EPHA6: variants seen among roughly 807,000 people sequenced by gnomAD.
EPHA6 encodes the protein ephrin type-A receptor 6.
Under a neutral mutation model 112.0 loss-of-function variants are expected in EPHA6, and 50 were observed. That is an observed-to-expected ratio of 0.45 (90% CI 0.36 to 0.56). The LOEUF is 0.56. EPHA6 is among the 20% of genes least tolerant of loss of function. The probability of loss-of-function intolerance (pLI) is 0.00; values close to 1 mark genes in which losing one functional copy is unlikely to be tolerated. For missense variants in EPHA6, 1,280 were observed against 1,417.4 expected (o/e 0.90, Z 1.56); for synonymous variants, 529 against 490.7 (o/e 1.08, Z -1.03).
chr3:96,815,836 C>CAAA (rs2032733039), intron 1 of EPHA6, among the ~76,000 whole-genome samples: 1 of 152,094 alleles, frequency 6.6e-6, no homozygotes, highest in African/African-American at 2.4e-5. Context: ...GCATAAAGAT[C>CAAA]TATAAAAAGT....
chr3:97,061,982 A>AC (rs2046037126), intron 3 of EPHA6, among the ~76,000 whole-genome samples: 1 of 152,192 alleles, frequency 6.6e-6, no homozygotes, highest in African/African-American at 2.4e-5. Context: ...AAGATAGGAG[A>AC]CACTAGTTCA....
chr3:97,551,884 A>G (rs916564009), intron 11 of EPHA6, among the ~76,000 whole-genome samples: 3 of 152,166 alleles, frequency 2.0e-5, no homozygotes, highest in Non-Finnish European at 4.4e-5. Context: ...TGAGCAAAGA[A>G]AAAGGCTGCT....
At chr3:97,410,969 A>G (rs2087672721) in intron 6 of EPHA6, among the ~76,000 whole-genome samples, 1 of 152,042 alleles carries the variant, frequency 6.6e-6, no homozygotes, top group Non-Finnish European at 1.5e-5. Context: ...CAGAACTACA[A>G]GTATTAATCT....
chr3:96,942,211 A>C (rs1426861705), intron 2 of EPHA6, among the ~76,000 whole-genome samples: 1 of 152,210 alleles, frequency 6.6e-6, no homozygotes, highest in African/African-American at 2.4e-5. Context: ...CTGCCCCCAG[A>C]GGTGGAGCCT....
chr3:97,647,448 T>A (rs1337418895), intron 14 of EPHA6, among the ~76,000 whole-genome samples: 1 of 152,112 alleles, frequency 6.6e-6, no homozygotes, highest in African/African-American at 2.4e-5. Context: ...GATCTGATAA[T>A]GGCATGAAAA....
intron 2 of EPHA6, among the ~76,000 whole-genome samples, chr3:96,935,889 A>C (rs767862755): frequency 1.3e-5 from 2 of 151,790 alleles, no homozygotes; most frequent in Non-Finnish European, 2.9e-5. Context: ...ACACGAGAGG[A>C]CTCATTAGTG....
At chr3:96,870,849 A>G (rs1180563713) in intron 2 of EPHA6, among the ~76,000 whole-genome samples, 1 of 152,110 alleles carries the variant, frequency 6.6e-6, no homozygotes, top group East Asian at 1.9e-4. Flanking sequence ...TGGAGTAACT[A>G]CCAATAAACA....
rs910683354 is a variant in EPHA6, at chr3:97,756,962, T to G, written c.*8261T>G. Among the ~76,000 whole-genome samples, 1 of 151,874 alleles carries G rather than the reference T, an allele frequency of 6.6e-6. No individual in the cohort carries two copies. The highest frequency in any genetic ancestry group is 1.5e-5 in the Non-Finnish European group (1 of 67,768). The stretch of plus-strand genomic sequence containing the variant: ...TTTTAATTTTGTGTACAGTGAAAAC[T>G]TTGACAGTTTAATTTTGAATTTTGA... On this transcript the variant is annotated 3_prime_UTR_variant, in exon 18 of 18. Transcript: ENST00000389672.
Position 97,531,826 on chromosome 3 carries a change from T to C in EPHA6, c.2201-532T>C, listed in dbSNP as rs542054930. Among the ~76,000 whole-genome samples the C allele has an allele frequency of 5.3e-5, 8 of 152,212 alleles. No individual in the cohort carries two copies. In the South Asian group the frequency reaches 1.4e-3, roughly 28 times the overall value. On this transcript the variant is annotated intron_variant, in intron 10 of 17. Transcript: ENST00000389672. ...ATTTCCATCCATGTGGCTTGTAATG[T>C]AGCCTGTATAATCACTTACTATGGT... is the stretch of plus-strand genomic sequence containing the variant.
At chr3:96,867,936 A>G (rs2036412154) in intron 2 of EPHA6, among the ~76,000 whole-genome samples, 1 of 151,882 alleles carries the variant, frequency 6.6e-6, no homozygotes, top group Non-Finnish European at 1.5e-5. Flanking sequence ...TGTAAGTTTT[A>G]TATACTGCGA....
At chr3:96,997,520 C>A (rs2043466724) in intron 3 of EPHA6, among the ~76,000 whole-genome samples, 1 of 151,578 alleles carries the variant, frequency 6.6e-6, no homozygotes, top group Admixed American at 6.6e-5. Flanking sequence ...TCTCAGAGAC[C>A]CAAGGAGACA....
intron 3 of EPHA6, among the ~76,000 whole-genome samples, chr3:96,989,118 C>A: frequency 6.6e-6 from 1 of 151,930 alleles, no homozygotes; most frequent in Admixed American, 6.6e-5. Context: ...TTATTGATTT[C>A]TTTGTTGATG....
At chr3:97,197,669 C>G (rs769945105) in intron 3 of EPHA6, among the ~76,000 whole-genome samples, 35 of 151,896 alleles carry the variant, frequency 2.3e-4, no homozygotes, top group Non-Finnish European at 4.6e-4. Context: ...CTTTCTTGGC[C>G]ACTCTGACTT....
intron 3 of EPHA6, among the ~76,000 whole-genome samples, chr3:97,143,665 G>A (rs747297678): frequency 3.3e-5 from 5 of 151,718 alleles, no homozygotes; most frequent in Admixed American, 2.0e-4. Context: ...TAATCAAGAA[G>A]CAATATATAG....
At chr3:97,745,063 G>C (rs1158065358) in intron 16 of EPHA6, among the ~76,000 whole-genome samples, 1 of 151,630 alleles carries the variant, frequency 6.6e-6, no homozygotes, top group Non-Finnish European at 1.5e-5. Flanking sequence ...CCCTGAAACT[G>C]GTCAAATAAT....
intron 3 of EPHA6, among the ~76,000 whole-genome samples, chr3:97,212,988 CGGACTGCTTGTCTGATACCTG>C (rs1436770142): frequency 6.6e-6 from 1 of 152,052 alleles, no homozygotes; most frequent in Non-Finnish European, 1.5e-5. Flanking sequence ...GTTTAAAAAC[CGGACTGCTTGTCTGATACCTG>C]GGTGCTGGTC....
Position 97,253,572 on chromosome 3 carries a change from AT to A in EPHA6, c.1606+9287del, listed in dbSNP as rs2079206999. Among the ~76,000 whole-genome samples, 5 of 152,318 alleles carry A rather than the reference AT, an allele frequency of 3.3e-5. No homozygotes were observed. The South Asian group carries it at 8.3e-4, about 25-fold the overall frequency. On this transcript the variant is annotated intron_variant, in intron 5 of 17. Coordinates refer to ENST00000389672, the MANE Select transcript of EPHA6 (RefSeq NM_001080448.3). ...TTTGTATTCATTCTTTTATATTGCA[AT>A]TCAGCTTACATATTTCCTAAGTAAT...
At chr3:97,085,359 A>G (rs531356329) in intron 3 of EPHA6, among the ~76,000 whole-genome samples, 1 of 152,252 alleles carries the variant, frequency 6.6e-6, no homozygotes, top group South Asian at 2.1e-4. Flanking sequence ...GAAGAATTTT[A>G]ACAAAACTGA....
At position 97,544,412 on chromosome 3, in the gene EPHA6, T is replaced by C. The variant is rs541831683; in HGVS notation, c.2386+11869T>C. ...ATTACATTTATTGATTTGCGTATGTTGAACCAGCCTTGCATCCCACGGATG... is the reference window on the plus strand; with the variant it reads ...ATTACATTTATTGATTTGCGTATGTCGAACCAGCCTTGCATCCCACGGATG... On this transcript the variant is annotated intron_variant, in intron 11 of 17. Coordinates refer to ENST00000389672, the MANE Select transcript of EPHA6 (RefSeq NM_001080448.3). 3.3e-5 allele frequency among the ~76,000 whole-genome samples: 5 copies of C among 152,350 alleles called. No individual in the cohort carries two copies. In the South Asian group the frequency reaches 1.0e-3, roughly 32 times the overall value.
Sources: gnomAD v4.1 joint callset for allele counts (sites outside exome capture counted in the v4.1 genomes callset) on GRCh38, gnomAD v4.1.1 for gene constraint, MANE v1.5 for transcripts, NCBI Gene and HGNC (gene_info 2026-07-23, HGNC 2026-07-21) for gene names.